Variants in POLD3 observed in about 807,000 individuals in gnomAD.
POLD3 encodes the protein DNA polymerase delta 3, accessory subunit, also known as DNA polymerase delta subunit 3.
In POLD3, 19 loss-of-function variants were observed where a neutral mutation model predicts 58.2. The ratio of observed to expected loss-of-function variants is 0.33; its 90% CI spans 0.23 to 0.48. The LOEUF (loss-of-function observed/expected upper bound fraction) is 0.48. Among genes scored for constraint, POLD3 ranks in the 20% least tolerant of loss-of-function variants. The pLI is 0.99. For synonymous variants in POLD3, 172 were observed against 193.5 expected (o/e 0.89, Z 0.92); for missense variants, 504 against 545.5 (o/e 0.92, Z 0.76).
intron 4 of POLD3, among the ~76,000 whole-genome samples, chr11:74,651,288 A>G (rs990481916): frequency 5.9e-5 from 9 of 152,188 alleles, no homozygotes; most frequent in Non-Finnish European, 1.2e-4. Flanking sequence ...GATCCTGGGA[A>G]AGTCATTCTC....
chr11:74,656,236 T>G (rs2033131939), intron 4 of POLD3, among the ~76,000 whole-genome samples: 1 of 152,228 alleles, frequency 6.6e-6, no homozygotes, highest in African/African-American at 2.4e-5. Flanking sequence ...TCCCTCTTAG[T>G]ACTGCTTTTG....
At position 74,602,142 on chromosome 11, in the gene POLD3, C is replaced by A. The variant is rs186229191; in HGVS notation, c.117-2550C>A. Among the ~76,000 whole-genome samples, 329 of 152,084 alleles carry A rather than the reference C, an allele frequency of 2.2e-3. 1 individual carries two copies. The highest frequency in any genetic ancestry group is 5.9e-3 in the African/African-American group (245 of 41,474). On this transcript the variant is annotated intron_variant, in intron 2 of 11. Coordinates refer to ENST00000263681, the MANE Select transcript of POLD3 (RefSeq NM_006591.3). ...CCTTTTTGTGGAACATGGGGTCTCG[C>A]TATATTGCCCAGTCAGGTCTTGAAC...
rs1368868677 is a variant in POLD3 at position 74,611,543 on chromosome 11, G to A, written c.259+5G>A. Reference sequence around the variant, plus strand: ...TGAGAGAAGATAAATTGGAAGGTAAGTGTTTTAGTGACTTAGCAAGTTTTT... The same window carrying A: ...TGAGAGAAGATAAATTGGAAGGTAAATGTTTTAGTGACTTAGCAAGTTTTT... On this transcript the variant is annotated splice_donor_5th_base_variant and intron_variant, in intron 4 of 11. Transcript: ENST00000263681. 1.3e-6 allele frequency: 2 copies of A among 1,547,470 alleles called. No homozygotes were observed. The highest frequency in any genetic ancestry group is 1.2e-5 in the South Asian group (1 of 86,340).
intron 4 of POLD3, among the ~76,000 whole-genome samples, chr11:74,649,210 C>T (rs1027648745): frequency 1.3e-5 from 2 of 152,202 alleles, no homozygotes; most frequent in Non-Finnish European, 2.9e-5. Flanking sequence ...GACTGATCAA[C>T]TAAATTCATC....
At chr11:74,654,199 A>C (rs1337224860) in intron 4 of POLD3, among the ~76,000 whole-genome samples, 1 of 152,242 alleles carries the variant, frequency 6.6e-6, no homozygotes, top group Non-Finnish European at 1.5e-5. Flanking sequence ...TGCTGTTTAC[A>C]GGAAAGCATG....
At chr11:74,620,110 CTT>C in intron 7 of POLD3, 21 bp downstream of exon 7, 1 of 1,524,444 alleles carries the variant, frequency 6.6e-7, no homozygotes, top group East Asian at 2.2e-5. Context: ...TCTTACCTCA[CTT>C]TGACTAACGA....
chr11:74,597,551 C>A (rs1476927050), intron 2 of POLD3, among the ~76,000 whole-genome samples: 1 of 152,186 alleles, frequency 6.6e-6, no homozygotes, highest in Non-Finnish European at 1.5e-5. Flanking sequence ...ACTTCAGCCT[C>A]CCAGGCTCAA....
chr11:74,660,260 C>T (rs1401518687), intron 4 of POLD3, among the ~76,000 whole-genome samples: 1 of 152,166 alleles, frequency 6.6e-6, no homozygotes, highest in Non-Finnish European at 1.5e-5. Context: ...CCTCTCACAA[C>T]AGGTGGGAAT....
chr11:74,652,109 G>A (rs1016460268), intron 4 of POLD3, among the ~76,000 whole-genome samples: 6 of 152,096 alleles, frequency 3.9e-5, no homozygotes, highest in Non-Finnish European at 2.9e-5. Flanking sequence ...AAGTTGAGAG[G>A]GTTTTCTTTC....
chr11:74,602,470 AC>A (rs1457363100), intron 2 of POLD3, among the ~76,000 whole-genome samples: 1 of 152,030 alleles, frequency 6.6e-6, no homozygotes, highest in East Asian at 1.9e-4. Flanking sequence ...TCTTTCTCTT[AC>A]ACTTCAACAC....
chr11:74,622,601 G>A (rs1036779890), intron 7 of POLD3, among the ~76,000 whole-genome samples: 2 of 152,188 alleles, frequency 1.3e-5, no homozygotes, highest in Admixed American at 1.3e-4. Flanking sequence ...CACATGACAA[G>A]ATCATTACAA....
intron 4 of POLD3, among the ~76,000 whole-genome samples, chr11:74,656,581 C>G (rs964289751): frequency 7.1e-6 from 1 of 139,894 alleles, no homozygotes; most frequent in African/African-American, 2.7e-5. Context: ...AATGAGACTC[C>G]GTCTCAAAAA....
chr11:74,657,879 C>T (rs1276369937), intron 4 of POLD3, among the ~76,000 whole-genome samples: 1 of 152,148 alleles, frequency 6.6e-6, no homozygotes, highest in Admixed American at 6.5e-5. Flanking sequence ...ATTTCTCCTT[C>T]ATGTTTGAAG....
At chr11:74,645,129 TA>T (rs1355930380), downstream of POLD3, among the ~76,000 whole-genome samples, 1 of 152,224 alleles carries the variant, frequency 6.6e-6, no homozygotes, top group Non-Finnish European at 1.5e-5. Context: ...CTTAATAATT[TA>T]GGAATGAATT....
intron 9 of POLD3, among the ~76,000 whole-genome samples, chr11:74,633,228 G>T (rs1274293254): frequency 6.6e-6 from 1 of 152,076 alleles, no homozygotes; most frequent in African/African-American, 2.4e-5. Flanking sequence ...CTTCATAGCT[G>T]TTCCTTCAGA....
chr11:74,633,210 C>T (rs1225943455), intron 9 of POLD3, among the ~76,000 whole-genome samples: 3 of 152,122 alleles, frequency 2.0e-5, no homozygotes, highest in Non-Finnish European at 1.5e-5. Flanking sequence ...CCATTGTGGC[C>T]CAGCTTTCTT....
intron 3 of POLD3, among the ~76,000 whole-genome samples, chr11:74,605,740 T>G (rs1423899682): frequency 6.6e-6 from 1 of 152,160 alleles, no homozygotes; most frequent in Non-Finnish European, 1.5e-5. Context: ...GTCAAAATAT[T>G]GACTGGATTT....
chr11:74,650,229 G>A (rs2135192865), intron 4 of POLD3, among the ~76,000 whole-genome samples: 1 of 152,260 alleles, frequency 6.6e-6, no homozygotes, highest in African/African-American at 2.4e-5. Context: ...CTTTATTGGA[G>A]TGCCTACTTT....
intron 1 of POLD3, chr11:74,593,003 A>G: frequency 7.6e-7 from 1 of 1,323,816 alleles, no homozygotes. Flanking sequence ...CCGTTGGCTG[A>G]GAGTTCTAAG....
Sources: allele counts gnomAD v4.1 joint callset (sites outside exome capture counted in the v4.1 genomes callset), GRCh38; gene constraint gnomAD v4.1.1; transcripts MANE v1.5; gene names NCBI Gene and HGNC (gene_info 2026-07-23, HGNC 2026-07-21).